MAD1L1: variants seen among roughly 807,000 people sequenced by gnomAD.
MAD1L1 encodes the protein mitotic spindle assembly checkpoint protein MAD1.
Under a neutral mutation model 96.9 loss-of-function variants are expected in MAD1L1, and 95 were observed. The observed-to-expected ratio is 0.98, with a 90% CI of 0.83 to 1.16. The LOEUF (loss-of-function observed/expected upper bound fraction) is 1.16, where lower values mean the gene tolerates loss of function less well. Ranked by LOEUF, MAD1L1 falls within the 50% of genes most tolerant of loss-of-function variation. The pLI, the probability that MAD1L1 is intolerant of heterozygous loss-of-function variation, is 0.00. For synonymous variants in MAD1L1, 473 were observed against 396.6 expected (o/e 1.19, Z -2.29); for missense variants, 1,007 against 954.4 (o/e 1.06, Z -0.73).
intron 18 of MAD1L1, among the ~76,000 whole-genome samples, chr7:1,867,512 G>A (rs1235693639): frequency 7.9e-5 from 12 of 152,262 alleles, no homozygotes; most frequent in Admixed American, 7.8e-4. Flanking sequence ...GTGCAAAGCG[G>A]GCCATGCATC....
chr7:1,874,805 T>G, intron 18 of MAD1L1, among the ~76,000 whole-genome samples: 2 of 151,068 alleles, frequency 1.3e-5, no homozygotes, highest in African/African-American at 2.4e-5. Context: ...TTGGGTAGGA[T>G]GGTAGAGAGG....
intron 18 of MAD1L1, among the ~76,000 whole-genome samples, chr7:1,831,007 A>T (rs1024671117): frequency 3.3e-5 from 5 of 152,278 alleles, no homozygotes; most frequent in African/African-American, 7.2e-5. Context: ...GCACATTTTA[A>T]CTATGAAGAC....
chr7:1,859,457 G>A (rs1002498298), intron 18 of MAD1L1, among the ~76,000 whole-genome samples: 2 of 152,230 alleles, frequency 1.3e-5, no homozygotes, highest in African/African-American at 2.4e-5. Flanking sequence ...TGAAAAGTCA[G>A]TGCTGCCCAC....
chr7:1,880,763 C>T (rs74621646), intron 18 of MAD1L1, among the ~76,000 whole-genome samples: 2 of 152,228 alleles, frequency 1.3e-5, no homozygotes, highest in Admixed American at 6.5e-5. Flanking sequence ...CAGTCACTCA[C>T]AGGACCCTGT....
chr7:2,160,923 T>C (rs2128588030), intron 10 of MAD1L1, among the ~76,000 whole-genome samples: 1 of 152,230 alleles, frequency 6.6e-6, no homozygotes, highest in Non-Finnish European at 1.5e-5. Context: ...AAAAGAAAAA[T>C]AATTCCCACA....
At chr7:2,056,163 G>A (rs1186627518) in intron 12 of MAD1L1, among the ~76,000 whole-genome samples, 1 of 152,172 alleles carries the variant, frequency 6.6e-6, no homozygotes, top group Non-Finnish European at 1.5e-5. Context: ...ACAAACCCCT[G>A]GAGGGTCACA....
At chr7:1,964,578 C>T (rs996270649) in intron 15 of MAD1L1, among the ~76,000 whole-genome samples, 1 of 152,198 alleles carries the variant, frequency 6.6e-6, no homozygotes, top group Non-Finnish European at 1.5e-5. Flanking sequence ...CTTCAAATGG[C>T]TCAAAGCAAT....
Position 1,828,372 on chromosome 7 carries a change from A to T in MAD1L1, c.1999-12144T>A, listed in dbSNP as rs1346824283. 3.9e-5 allele frequency among the ~76,000 whole-genome samples: 6 copies of T among 152,136 alleles called. No individual in the cohort carries two copies. The East Asian group carries it at 1.2e-3, about 29-fold the overall frequency. On this transcript the variant is annotated intron_variant, in intron 18 of 18. Coordinates refer to ENST00000265854, the MANE Select transcript of MAD1L1 (RefSeq NM_001013836.2). ...GAGCCAGGGCGCCGAAAAGAGTGCCACAGAGGAGGGCTGAGTTCGCTGGAG... is the reference window on the plus strand; with the variant it reads ...GAGCCAGGGCGCCGAAAAGAGTGCCTCAGAGGAGGGCTGAGTTCGCTGGAG...
At chr7:1,934,695 C>T (rs1789682998) in intron 17 of MAD1L1, among the ~76,000 whole-genome samples, 1 of 150,136 alleles carries the variant, frequency 6.7e-6, no homozygotes. Flanking sequence ...CCGAGACAGG[C>T]AGAGACCCAG....
chr7:1,953,858 C>T (rs1422128864), intron 16 of MAD1L1, among the ~76,000 whole-genome samples: 9 of 152,246 alleles, frequency 5.9e-5, no homozygotes, highest in Admixed American at 2.6e-4. Flanking sequence ...GCACAGGTGC[C>T]GGCCCAGGCT....
intron 16 of MAD1L1, among the ~76,000 whole-genome samples, chr7:1,939,442 G>A (rs147001163): frequency 0.014 from 2,070 of 152,298 alleles, 42 homozygotes; most frequent in African/African-American, 0.047. Flanking sequence ...CTGTGGGGCA[G>A]TGAGACTGGA....
chr7:2,055,407 G>A (rs1344471982), intron 12 of MAD1L1, among the ~76,000 whole-genome samples: 3 of 152,122 alleles, frequency 2.0e-5, no homozygotes, highest in East Asian at 3.9e-4. Flanking sequence ...GAACTGGCCC[G>A]GAGCAGCACA....
chr7:1,894,013 C>A (rs1479345239), intron 18 of MAD1L1, among the ~76,000 whole-genome samples: 1 of 152,202 alleles, frequency 6.6e-6, no homozygotes, highest in African/African-American at 2.4e-5. Context: ...TTCTGTCTGT[C>A]TGGCAGAGCC....
chr7:1,953,634 G>A (rs1326464782), intron 16 of MAD1L1, among the ~76,000 whole-genome samples: 4 of 152,274 alleles, frequency 2.6e-5, no homozygotes, highest in African/African-American at 4.8e-5. Context: ...AAAGTGGCGC[G>A]GCGGCTGGGC....
At chr7:2,112,912 GA>G (rs1159770974) in intron 11 of MAD1L1, among the ~76,000 whole-genome samples, 4 of 152,126 alleles carry the variant, frequency 2.6e-5, no homozygotes, top group Non-Finnish European at 4.4e-5. Flanking sequence ...CACAGGGCAC[GA>G]GAGCCCAACT....
intron 18 of MAD1L1, among the ~76,000 whole-genome samples, chr7:1,839,705 T>C (rs1424000021): frequency 1.3e-5 from 2 of 152,190 alleles, no homozygotes; most frequent in African/African-American, 4.8e-5. Context: ...AGAAGGGCTC[T>C]AGGCTGCCCA....
rs779426805 is a variant in MAD1L1, at chr7:1,816,073, C to T, written c.2154G>A (p.Ala718=). ...GCTATGCCCCCGAGCCTGCAGGCTA[C>T]GCCACGGTCTGGCGGCTGAAGAGCT... The part of the protein sequence containing the change: ...TLELFSRQTV[A] The change falls in exon 19 of 19, where the codon GCG becomes GCA. Residue 718 remains alanine, a synonymous_variant. Transcript: ENST00000265854. 6.2e-5 allele frequency: 99 copies of T among 1,609,164 alleles called. No homozygotes were observed. The highest frequency in any genetic ancestry group is 1.9e-4 in the Middle Eastern group (1 of 5,210).
intron 12 of MAD1L1, among the ~76,000 whole-genome samples, chr7:2,065,865 A>C (rs1296068666): frequency 6.6e-6 from 1 of 152,226 alleles, no homozygotes; most frequent in Admixed American, 6.5e-5. Context: ...CTGTCATTTG[A>C]AAAGTTTCTT....
chr7:1,879,628 T>C (rs1288032018), intron 18 of MAD1L1, among the ~76,000 whole-genome samples: 1 of 152,260 alleles, frequency 6.6e-6, no homozygotes, highest in Non-Finnish European at 1.5e-5. Flanking sequence ...GGAGGACTTA[T>C]GTTACTTGAC....
Sources: allele counts gnomAD v4.1 joint callset (sites outside exome capture counted in the v4.1 genomes callset), GRCh38; gene constraint gnomAD v4.1.1; transcripts MANE v1.5; gene names NCBI Gene and HGNC (gene_info 2026-07-23, HGNC 2026-07-21).